The following CEP104 variants were observed in gnomAD, a reference collection of about 807,000 sequenced individuals.
CEP104 encodes centrosomal protein of 104 kDa.
A neutral mutation model predicts 113.3 loss-of-function variants in CEP104; 84 were observed. The ratio of observed to expected loss-of-function variants is 0.74; its 90% CI spans 0.62 to 0.89. The LOEUF is 0.89. Among genes scored for constraint, CEP104 ranks in the 40% least tolerant of loss-of-function variants. The pLI, the probability that CEP104 is intolerant of heterozygous loss-of-function variation, is 0.00. For missense variants in CEP104, 1,053 were observed against 1,156.6 expected (o/e 0.91, Z 1.30); for synonymous variants, 378 against 421.7 (o/e 0.90, Z 1.27).
At chr1:3,854,625 T>C (rs947115700) in intron 1 of CEP104, among the ~76,000 whole-genome samples, 3 of 144,748 alleles carry the variant, frequency 2.1e-5, no homozygotes, top group East Asian at 4.0e-4. Context: ...TGCACCACCA[T>C]GCCTGGCTAA....
rs371890804 is a variant in CEP104, at chr1:3,826,707, C to A, written c.2188+1G>T. The A allele has an allele frequency of 6.2e-7, 1 of 1,614,098 alleles. No homozygotes were observed. Among genetic ancestry groups the A allele is most frequent in the Non-Finnish European group, 8.5e-7 (1 of 1,179,968 alleles). ...TTTGTGCACCCCAATTCTTTACATA[C>A]CCTGATTCTTTGGCTTCACAGCATC... is the stretch of plus-strand genomic sequence containing the variant. On this transcript the variant is annotated splice_donor_variant, in intron 16 of 21. Coordinates refer to ENST00000378230, the MANE Select transcript of CEP104 (RefSeq NM_014704.4). LOFTEE classifies it high-confidence loss of function.
At chr1:3,846,310 A>G (rs1220360993) in intron 4 of CEP104, among the ~76,000 whole-genome samples, 2 of 152,126 alleles carry the variant, frequency 1.3e-5, no homozygotes, top group Non-Finnish European at 2.9e-5. Flanking sequence ...CAACCACTGT[A>G]GACTAACCCC....
At position 3,814,878 on chromosome 1, in the gene CEP104, C is replaced by G. The variant is rs1322964703; in HGVS notation, c.*524G>C. On this transcript the variant is annotated 3_prime_UTR_variant, in exon 22 of 22. Coordinates refer to ENST00000378230, the MANE Select transcript of CEP104 (RefSeq NM_014704.4). The stretch of plus-strand genomic sequence containing the variant: ...TGGGCAGCAGGCCCAGCAGACGGGG[C>G]CTGCAGGGGGAAGGCACGGCTGGAG... 4 of 153,586 alleles carry G rather than the reference C, an allele frequency of 2.6e-5. No homozygotes were observed. The highest frequency in any genetic ancestry group is 9.6e-5 in the African/African-American group (4 of 41,480). 9.5% of individuals were successfully genotyped at this position (153,586 alleles called of 1,614,324 possible). A position where few individuals can be genotyped will look rare whatever the true frequency, so the allele number is the denominator to read the frequency against.
At chr1:3,834,188 T>C (rs915961955) in intron 11 of CEP104, among the ~76,000 whole-genome samples, 153 bp from the exon 12 acceptor site, 5 of 152,228 alleles carry the variant, frequency 3.3e-5, no homozygotes, top group Middle Eastern at 3.2e-3. Context: ...AACTGCTTTC[T>C]AAACACAGCA....
intron 20 of CEP104, among the ~76,000 whole-genome samples, chr1:3,817,355 G>A (rs1453915051): frequency 1.3e-5 from 2 of 152,002 alleles, no homozygotes; most frequent in Admixed American, 1.3e-4. Context: ...AACAAACAAC[G>A]CTTCCCAGGG....
In CEP104 at chr1:3,843,715, G is replaced by A. The variant is rs139578967; in HGVS notation, c.566+1192C>T. Among the ~76,000 whole-genome samples, 8 of 151,238 alleles carry A rather than the reference G, an allele frequency of 5.3e-5. No homozygotes were observed. In the East Asian group the frequency reaches 1.2e-3, roughly 22 times the overall value. ...TTTTTTTTTAGCCAAATTTAGCAGT[G>A]AGAAAAAATATTTTTAACGGGTAGA... On this transcript the variant is annotated intron_variant, in intron 6 of 21. Transcript: ENST00000378230.
chr1:3,822,091 T>C (rs1643986401), intron 20 of CEP104, among the ~76,000 whole-genome samples: 1 of 152,064 alleles, frequency 6.6e-6, no homozygotes, highest in South Asian at 2.1e-4. Flanking sequence ...GGGGAGCACG[T>C]GGGGGCACGG....
At chr1:3,834,862 C>T in intron 11 of CEP104, 63 bp downstream of exon 11, 1 of 1,468,478 alleles carries the variant, frequency 6.8e-7, no homozygotes, top group South Asian at 1.3e-5. Context: ...CTCTGGTCTT[C>T]TGTGGTACGG....
At position 3,848,881 on chromosome 1, in the gene CEP104, C is replaced by T. The variant is rs1021970932; in HGVS notation, c.114-100G>A. The T allele has an allele frequency of 6.1e-5, 55 of 897,168 alleles. 1 individual carries two copies. Among genetic ancestry groups the T allele is most frequent in the Admixed American group, 4.8e-4 (20 of 41,654 alleles). The allele number at this position is 897,168 out of a possible 1,614,324, so 55.6% of individuals were successfully genotyped here. ...GCAGGTAAGAAGCATTAACCACACA[C>T]CCACTTTGAACAGAACAGTCTGTAG... On this transcript the variant is annotated intron_variant, in intron 2 of 21. Transcript: ENST00000378230.
chr1:3,839,407 T>C (rs1469136193), intron 7 of CEP104, among the ~76,000 whole-genome samples: 1 of 152,170 alleles, frequency 6.6e-6, no homozygotes, highest in Non-Finnish European at 1.5e-5. Context: ...TGAACGTGAG[T>C]CTGAAGAGGT....
rs771731187 is a variant in CEP104, at chr1:3,836,587, G to A, written c.1225C>T (p.Arg409Trp). The change falls in exon 10 of 22, where the codon CGG becomes TGG. Residue 409 changes from arginine to tryptophan, a missense_variant. Transcript: ENST00000378230. ...EMSNADISDA[R>W]RGGMLGEPEP... is the part of the protein sequence containing the mutation. ...GGCTCCCCTAACATGCCTCCCCTCCGAGCATCGCTGATGTCTGCATTACTC... is the reference window on the plus strand; with the variant it reads ...GGCTCCCCTAACATGCCTCCCCTCCAAGCATCGCTGATGTCTGCATTACTC... The A allele has an allele frequency of 1.0e-5, 16 of 1,576,320 alleles. No homozygotes were observed. The highest frequency in any genetic ancestry group is 4.2e-5 in the African/African-American group (3 of 71,182).
chr1:3,846,814 G>T (rs1570842252), intron 4 of CEP104, among the ~76,000 whole-genome samples: 1 of 152,146 alleles, frequency 6.6e-6, no homozygotes, highest in African/African-American at 2.4e-5. Context: ...GTAAATGCTT[G>T]TGCTAATTAA....
chr1:3,831,488 G>A (rs1570797210), intron 12 of CEP104, among the ~76,000 whole-genome samples: 1 of 152,314 alleles, frequency 6.6e-6, no homozygotes, highest in South Asian at 2.1e-4. Context: ...TTTCAGAAGC[G>A]TAATTGAAAA....
intron 11 of CEP104, among the ~76,000 whole-genome samples, chr1:3,834,693 G>A (rs1644276878): frequency 6.6e-6 from 1 of 152,220 alleles, no homozygotes; most frequent in South Asian, 2.1e-4. Flanking sequence ...CACTGCTGGA[G>A]ACCAGAGACA....
chr1:3,830,877 C>T (rs188970799), intron 13 of CEP104, among the ~76,000 whole-genome samples, 169 bp downstream of exon 13: 43 of 152,154 alleles, frequency 2.8e-4, no homozygotes, highest in African/African-American at 9.9e-4. Context: ...TAGGATTAGA[C>T]AGCAGGACGC....
chr1:3,818,790 G>A (rs1302715497), intron 20 of CEP104, among the ~76,000 whole-genome samples: 1 of 152,116 alleles, frequency 6.6e-6, no homozygotes. Context: ...GCATGTTCAC[G>A]ATGCTTAACT....
In CEP104 at chr1:3,819,628, G is replaced by A. The variant is rs1643933164; in HGVS notation, c.2572-3258C>T. 2.0e-5 allele frequency among the ~76,000 whole-genome samples: 3 copies of A among 152,140 alleles called. No individual in the cohort carries two copies. Among genetic ancestry groups the A allele is most frequent in the African/African-American group, 7.2e-5 (3 of 41,426 alleles). On this transcript the variant is annotated intron_variant, in intron 20 of 21. Coordinates refer to ENST00000378230, the MANE Select transcript of CEP104 (RefSeq NM_014704.4). This position sits in a 1 kb window ranked among gnomAD's most constrained non-coding sequence, Gnocchi z 4.6. ...GAGGACTGGAGATGGAAGGAGAAAG[G>A]GCAGGGGCCATTCAACTAGAACAGA... is the stretch of plus-strand genomic sequence containing the variant.
intron 15 of CEP104, among the ~76,000 whole-genome samples, chr1:3,827,382 GTTT>G (rs965355819): frequency 1.3e-5 from 2 of 149,688 alleles, no homozygotes; most frequent in Non-Finnish European, 3.0e-5. Flanking sequence ...GTCTGGCTAA[GTTT>G]TTTTTTTAAG....
intron 4 of CEP104, among the ~76,000 whole-genome samples, chr1:3,845,575 T>A (rs1410728640): frequency 2.0e-5 from 3 of 152,034 alleles, no homozygotes; most frequent in African/African-American, 7.2e-5. Flanking sequence ...CCTGCTAATT[T>A]TTGTGTTTTT....
Sources: gnomAD v4.1 joint callset for allele counts (sites outside exome capture counted in the v4.1 genomes callset) on GRCh38, gnomAD v4.1.1 for gene constraint, Gnocchi (gnomAD v3.1) non-coding constraint, MANE v1.5 for transcripts, NCBI Gene and HGNC (gene_info 2026-07-23, HGNC 2026-07-21) for gene names.